Variants in ANAPC1 observed in about 807,000 individuals in gnomAD.
ANAPC1 encodes anaphase promoting complex subunit 1, also known as anaphase-promoting complex subunit 1.
ANAPC1 carries 36 observed loss-of-function variants against 208.0 expected under a neutral mutation model. The ratio of observed to expected loss-of-function variants is 0.17; its 90% CI spans 0.13 to 0.23. The LOEUF is 0.23. Ranked by LOEUF, ANAPC1 falls within the 10% of genes least tolerant of loss-of-function variation. The pLI, the probability that ANAPC1 is intolerant of heterozygous loss-of-function variation, is 1.00. For synonymous variants in ANAPC1, 378 were observed against 695.2 expected (o/e 0.54, Z 7.18); for missense variants, 942 against 2,011.6 (o/e 0.47, Z 10.17).
intron 47 of ANAPC1, among the ~76,000 whole-genome samples, chr2:111,770,569 AT>A (rs1003142028): frequency 1.3e-5 from 2 of 148,748 alleles, no homozygotes; most frequent in East Asian, 2.0e-4. Flanking sequence ...ATGCATGTTT[AT>A]TTTTTTTTCA....
intron 20 of ANAPC1, among the ~76,000 whole-genome samples, chr2:111,831,983 C>T (rs1680165898): frequency 6.8e-6 from 1 of 147,100 alleles, no homozygotes; most frequent in Non-Finnish European, 1.5e-5. Flanking sequence ...AATTCTTGTT[C>T]CCAAGGCATA....
intron 21 of ANAPC1, among the ~76,000 whole-genome samples, chr2:111,830,063 C>CT (rs1309585423): frequency 2.6e-5 from 4 of 151,930 alleles, no homozygotes; most frequent in Admixed American, 2.0e-4. Context: ...GAGTGAGACT[C>CT]TGTCTCAAAA....
At chr2:111,841,170 G>T (rs1680739903) in intron 17 of ANAPC1, among the ~76,000 whole-genome samples, 1 of 151,968 alleles carries the variant, frequency 6.6e-6, no homozygotes, top group Non-Finnish European at 1.5e-5. Flanking sequence ...CACTCAGATG[G>T]AAAATGGCAT....
At chr2:111,871,730 C>A (rs2104588767) in intron 6 of ANAPC1, among the ~76,000 whole-genome samples, 1 of 152,136 alleles carries the variant, frequency 6.6e-6, no homozygotes, top group Middle Eastern at 3.4e-3. Context: ...CCAGACTGGG[C>A]AACAAGAGCA....
rs541962898 is a variant in ANAPC1, at chr2:111,880,865, C to T, written c.-24-16G>A. On this transcript the variant is annotated splice_polypyrimidine_tract_variant and intron_variant, in intron 1 of 47. Coordinates refer to ENST00000341068, the MANE Select transcript of ANAPC1 (RefSeq NM_022662.4). ...AACATTATTTCTGTATGAATTCAAACACATTCTGGTCAGCTTCCAGACTCA... is the reference window on the plus strand; with the variant it reads ...AACATTATTTCTGTATGAATTCAAATACATTCTGGTCAGCTTCCAGACTCA... The T allele has an allele frequency of 6.2e-7, 1 of 1,601,064 alleles. No homozygotes were observed. Among genetic ancestry groups the T allele is most frequent in the East Asian group, 2.2e-5 (1 of 44,794 alleles).
chr2:111,869,727 AC>A (rs1347390511), intron 6 of ANAPC1, among the ~76,000 whole-genome samples: 2 of 152,154 alleles, frequency 1.3e-5, no homozygotes, highest in Non-Finnish European at 2.9e-5. Context: ...CGGTTGAGCA[AC>A]CCTAATTCTT....
intron 8 of ANAPC1, among the ~76,000 whole-genome samples, chr2:111,864,140 A>C: frequency 6.6e-6 from 1 of 152,106 alleles, no homozygotes; most frequent in Admixed American, 6.5e-5. Context: ...CAGCCTGGGC[A>C]ACATAGCAAG....
intron 39 of ANAPC1, among the ~76,000 whole-genome samples, chr2:111,785,814 A>T (rs1192982933): frequency 6.7e-6 from 1 of 149,694 alleles, no homozygotes; most frequent in African/African-American, 2.4e-5. Flanking sequence ...TTTCTACTCA[A>T]CATAGGCATC....
chr2:111,877,677 G>A (rs796712567), intron 3 of ANAPC1, among the ~76,000 whole-genome samples: 8 of 152,080 alleles, frequency 5.3e-5, no homozygotes, highest in African/African-American at 1.2e-4. Context: ...CCAGCTACTC[G>A]GGAGGGTGAG....
At chr2:111,863,977 G>A (rs1396829769) in intron 8 of ANAPC1, 82 bp from the exon 9 acceptor site, 12 of 1,436,998 alleles carry the variant, frequency 8.4e-6, no homozygotes, top group African/African-American at 1.4e-5. Flanking sequence ...AAGAATGCAA[G>A]TTGAAGTCAG....
intron 21 of ANAPC1, among the ~76,000 whole-genome samples, chr2:111,828,689 A>G (rs1679967028): frequency 1.3e-5 from 2 of 152,254 alleles, no homozygotes; most frequent in African/African-American, 4.8e-5. Context: ...GAAATAAGCC[A>G]GACACAGAGA....
intron 13 of ANAPC1, among the ~76,000 whole-genome samples, chr2:111,855,414 G>A (rs1026041172): frequency 1.3e-5 from 2 of 152,082 alleles, no homozygotes; most frequent in Non-Finnish European, 2.9e-5. Context: ...TGCTCAACAC[G>A]AAGTTGCCAC....
intron 43 of ANAPC1, among the ~76,000 whole-genome samples, chr2:111,781,894 A>AAAT (rs1318770657): frequency 1.3e-5 from 2 of 152,296 alleles, no homozygotes; most frequent in Admixed American, 1.3e-4. Flanking sequence ...AGTACTGTGC[A>AAAT]AATAATAAAG....
At chr2:111,843,131 C>G (rs574503485) in intron 17 of ANAPC1, among the ~76,000 whole-genome samples, 1 of 152,164 alleles carries the variant, frequency 6.6e-6, no homozygotes, top group African/African-American at 2.4e-5. Context: ...AAGACTATCA[C>G]TAATCCTAGC....
At chr2:111,875,026 A>T (rs1484008485) in intron 3 of ANAPC1, among the ~76,000 whole-genome samples, 1 of 152,194 alleles carries the variant, frequency 6.6e-6, no homozygotes, top group Non-Finnish European at 1.5e-5. Context: ...TTTCCACAGC[A>T]GCTATGTTAC....
At chr2:111,860,186 C>T (rs1681978977) in intron 10 of ANAPC1, among the ~76,000 whole-genome samples, 1 of 151,866 alleles carries the variant, frequency 6.6e-6, no homozygotes, top group African/African-American at 2.4e-5. Context: ...ATAGTCCCAG[C>T]TATCTGGGAG....
intron 38 of ANAPC1, among the ~76,000 whole-genome samples, chr2:111,790,172 C>G (rs925262085): frequency 3.3e-5 from 5 of 152,042 alleles, no homozygotes; most frequent in African/African-American, 1.2e-4. Context: ...CAGGGGTATA[C>G]CATATTCACA....
At chr2:111,832,800 G>A (rs528098136) in intron 20 of ANAPC1, among the ~76,000 whole-genome samples, 18 of 151,754 alleles carry the variant, frequency 1.2e-4, no homozygotes, top group Non-Finnish European at 1.9e-4. Context: ...TGTGGTGGTG[G>A]GCACCTGTAG....
At chr2:111,772,692 A>G (rs886778156) in intron 46 of ANAPC1, among the ~76,000 whole-genome samples, 12 of 151,926 alleles carry the variant, frequency 7.9e-5, no homozygotes, top group Non-Finnish European at 1.3e-4. Flanking sequence ...TACACAAATA[A>G]TGACACAAAC....
Sources: allele counts gnomAD v4.1 joint callset (sites outside exome capture counted in the v4.1 genomes callset), GRCh38; gene constraint gnomAD v4.1.1; transcripts MANE v1.5; gene names NCBI Gene and HGNC (gene_info 2026-07-23, HGNC 2026-07-21).